FBXL13: variants seen among roughly 807,000 people sequenced by gnomAD.
FBXL13 encodes the protein F-box and leucine-rich repeat protein 13.
In FBXL13, 67 loss-of-function variants were observed where a neutral mutation model predicts 83.6. That is an observed-to-expected ratio of 0.80 (90% CI 0.66 to 0.98). The LOEUF is 0.98. FBXL13 is among the 50% of genes least tolerant of loss of function. FBXL13 has a pLI of 0.00. For synonymous variants in FBXL13, 272 were observed against 299.5 expected (o/e 0.91, Z 0.95); for missense variants, 822 against 866.5 (o/e 0.95, Z 0.64).
intron 17 of FBXL13, among the ~76,000 whole-genome samples, chr7:102,834,112 A>G (rs1801360217): frequency 8.6e-6 from 1 of 115,684 alleles, no homozygotes; most frequent in African/African-American, 4.3e-5. Context: ...GAAAGAAAGA[A>G]AGAAAGAAAG....
At chr7:103,060,020 T>TTATATATATATATA (rs772728840) in intron 1 of FBXL13, among the ~76,000 whole-genome samples, 39 of 50,068 alleles carry the variant, frequency 7.8e-4, no homozygotes, top group Non-Finnish European at 1.1e-3. Flanking sequence ...GCAAGATATT[T>TTATATATATATATA]TATATATATA....
At chr7:102,939,632 G>A (rs377763197) in intron 8 of FBXL13, 2 of 1,530,290 alleles carry the variant, frequency 1.3e-6, no homozygotes, top group Non-Finnish European at 1.8e-6. Context: ...AGTGTTCTGT[G>A]ATTTTTTTCT....
At chr7:102,956,736 A>G (rs1824330809) in intron 8 of FBXL13, among the ~76,000 whole-genome samples, 1 of 152,206 alleles carries the variant, frequency 6.6e-6, no homozygotes, top group Non-Finnish European at 1.5e-5. Context: ...CCTATACACC[A>G]TTAACAGACA....
At chr7:103,012,299 C>T (rs752074461) in intron 6 of FBXL13, among the ~76,000 whole-genome samples, 9 of 150,888 alleles carry the variant, frequency 6.0e-5, no homozygotes, top group Non-Finnish European at 1.2e-4. Context: ...CGCTTGAACC[C>T]AGGAGGCGGA....
chr7:103,034,182 C>T (rs1280057829), intron 2 of FBXL13, among the ~76,000 whole-genome samples: 1 of 152,216 alleles, frequency 6.6e-6, no homozygotes, highest in African/African-American at 2.4e-5. Context: ...TGGCTTCACC[C>T]AGTGGATCTC....
At chr7:102,900,597 G>A (rs1812843833) in intron 11 of FBXL13, among the ~76,000 whole-genome samples, 1 of 152,160 alleles carries the variant, frequency 6.6e-6, no homozygotes, top group Non-Finnish European at 1.5e-5. Flanking sequence ...GGTAGATAGA[G>A]CCTCCTCAAA....
intron 11 of FBXL13, among the ~76,000 whole-genome samples, chr7:102,910,411 G>C (rs1814464147): frequency 1.3e-5 from 2 of 151,820 alleles, no homozygotes; most frequent in Non-Finnish European, 2.9e-5. Flanking sequence ...GTGTGTTGGG[G>C]GGAGGGGGTC....
At chr7:102,819,407 C>T (rs1024955981) in intron 19 of FBXL13, among the ~76,000 whole-genome samples, 7 of 152,160 alleles carry the variant, frequency 4.6e-5, no homozygotes, top group Non-Finnish European at 1.0e-4. Flanking sequence ...CTGCAGGAAA[C>T]TCTCCTGCAA....
rs35861251 is a variant in FBXL13, at chr7:102,964,405, T to TATATATA, written c.592-741_592-740insTATATAT. On this transcript the variant is annotated intron_variant, in intron 7 of 19. Transcript: ENST00000313221. ...AATTTTGTGACTATATATATATATA[T>TATATATA]TTTTTTTTTTTTTTCCAGACTGAGT... 2.1e-3 allele frequency among the ~76,000 whole-genome samples: 266 copies of TATATATA among 128,032 alleles called. 2 individuals are homozygous for TATATATA. The East Asian group carries it at 0.035, about 17-fold the overall frequency. The allele number at this position is 128,032 out of a possible 152,430, so 84.0% of individuals were successfully genotyped here. A position where few individuals can be genotyped will look rare whatever the true frequency, so the allele number is the denominator to read the frequency against.
chr7:102,878,415 C>T, exon 15 of FBXL13: 4 of 1,607,182 alleles, frequency 2.5e-6, no homozygotes, highest in Non-Finnish European at 3.4e-6. Context: ...GCTTGCAGGA[C>T]CATCAAGAAA....
rs78962948 is a variant in FBXL13 at position 103,013,882 on chromosome 7, G to A, written c.495+11181C>T. On this transcript the variant is annotated intron_variant, in intron 6 of 19. Transcript: ENST00000313221. The stretch of plus-strand genomic sequence containing the variant: ...TTGAAAGAAGTAATAATACAAGGTA[G>A]ACTGGTAGATAAACTAATTTTAAAA... Among the ~76,000 whole-genome samples, 519 of 151,798 alleles carry A rather than the reference G, an allele frequency of 3.4e-3. 21 individuals carry two copies. The East Asian group carries it at 0.08, about 23-fold the overall frequency.
chr7:102,854,376 T>C (rs556167027), intron 17 of FBXL13, among the ~76,000 whole-genome samples: 1 of 132,096 alleles, frequency 7.6e-6, no homozygotes, highest in East Asian at 2.1e-4. Context: ...TGTTGTGGGG[T>C]GGGGGGAGAG....
At chr7:102,870,096 A>G (rs1808329449) in intron 16 of FBXL13, among the ~76,000 whole-genome samples, 1 of 152,208 alleles carries the variant, frequency 6.6e-6, no homozygotes, top group East Asian at 1.9e-4. Context: ...ACTAACATGG[A>G]AACGGCATGC....
chr7:102,945,380 T>G (rs966375978), intron 8 of FBXL13, among the ~76,000 whole-genome samples: 3 of 152,138 alleles, frequency 2.0e-5, no homozygotes, highest in Admixed American at 6.6e-5. Context: ...ATACTGGGAA[T>G]CCACCTGTCC....
At chr7:103,066,408 T>C (rs1798393655) in intron 1 of FBXL13, among the ~76,000 whole-genome samples, 1 of 152,122 alleles carries the variant, frequency 6.6e-6, no homozygotes, top group South Asian at 2.1e-4. Flanking sequence ...TTTTTTTTTT[T>C]TGAGACAGAG....
chr7:103,016,326 T>A (rs1472401652), intron 6 of FBXL13, among the ~76,000 whole-genome samples: 26 of 53,268 alleles, frequency 4.9e-4, no homozygotes, highest in East Asian at 1.3e-3. Flanking sequence ...GTGGGGGGGG[T>A]GGGGGGAGGT....
intron 10 of FBXL13, among the ~76,000 whole-genome samples, chr7:102,918,610 G>A (rs1176718595): frequency 6.6e-6 from 1 of 152,210 alleles, no homozygotes; most frequent in East Asian, 1.9e-4. Context: ...GAGGCCATGA[G>A]TTTGAGACCA....
intron 11 of FBXL13, 99 bp downstream of exon 12, chr7:102,912,987 G>T: frequency 6.7e-7 from 1 of 1,482,166 alleles, no homozygotes; most frequent in Admixed American, 2.0e-5. Context: ...GTGTGCTGCG[G>T]TCCGTGCACA....
chr7:102,913,858 A>C (rs902168516), intron 10 of FBXL13, among the ~76,000 whole-genome samples: 9 of 152,358 alleles, frequency 5.9e-5, no homozygotes, highest in Middle Eastern at 6.8e-3. Context: ...TTTGCAAATA[A>C]GCAGGCAACA....
Sources: allele counts gnomAD v4.1 joint callset (sites outside exome capture counted in the v4.1 genomes callset), GRCh38; gene constraint gnomAD v4.1.1; transcripts MANE v1.5; gene names NCBI Gene and HGNC (gene_info 2026-07-23, HGNC 2026-07-21).